The following MAP4K3 variants were observed in gnomAD, a reference collection of about 807,000 sequenced individuals.
MAP4K3 encodes the protein MAPK/ERK kinase kinase kinase 3.
A neutral mutation model predicts 143.5 loss-of-function variants in MAP4K3; 94 were observed. The observed-to-expected ratio is 0.65, with a 90% CI of 0.55 to 0.78. The LOEUF is 0.78. MAP4K3 is among the 30% of genes least tolerant of loss of function. The pLI is 0.00. For synonymous variants in MAP4K3, 416 were observed against 347.2 expected, an observed-to-expected ratio of 1.20 and a Z score of -2.20; for missense variants, 1,077 against 1,068.1, an observed-to-expected ratio of 1.01 and a Z score of -0.12.
intron 1 of MAP4K3, among the ~76,000 whole-genome samples, chr2:39,434,803 G>A (rs1665402107): frequency 6.6e-6 from 1 of 152,312 alleles, no homozygotes; most frequent in East Asian, 1.9e-4. Flanking sequence ...TTGCTGTTAG[G>A]ATTAATTAGA....
chr2:39,344,175 T>C (rs946010457), intron 3 of MAP4K3, among the ~76,000 whole-genome samples: 2 of 152,178 alleles, frequency 1.3e-5, no homozygotes, highest in Non-Finnish European at 2.9e-5. Context: ...GCCTTCTTAG[T>C]GTCTAGAAGA....
chr2:39,295,771 T>C (rs1212646903), intron 16 of MAP4K3, among the ~76,000 whole-genome samples: 1 of 143,744 alleles, frequency 7.0e-6, no homozygotes, highest in Non-Finnish European at 1.5e-5. Context: ...CAGTCTGGAG[T>C]GCAGTGGCGT....
At chr2:39,289,917 T>C (rs890762159) in intron 19 of MAP4K3, among the ~76,000 whole-genome samples, 3 of 152,066 alleles carry the variant, frequency 2.0e-5, no homozygotes, top group African/African-American at 7.2e-5. Flanking sequence ...AAACCCAGTC[T>C]CTACTAAAAA....
At chr2:39,287,997 A>G (rs912989403) in intron 20 of MAP4K3, 124 bp downstream of exon 20, 5 of 1,159,388 alleles carry the variant, frequency 4.3e-6, no homozygotes, top group Non-Finnish European at 6.2e-6. Flanking sequence ...AAACATCTCC[A>G]TAGCCACTGC....
Position 39,284,831 on chromosome 2 carries a change from G to A in MAP4K3, c.1587+2021C>T, listed in dbSNP as rs58347494. Among the ~76,000 whole-genome samples the A allele has an allele frequency of 5.9e-5, 9 of 151,798 alleles. No homozygotes were observed. In the East Asian group the frequency reaches 7.8e-4, roughly 13 times the overall value. On this transcript the variant is annotated intron_variant, in intron 21 of 33. Coordinates refer to ENST00000263881, the MANE Select transcript of MAP4K3 (RefSeq NM_003618.4). ...TGCACTCTGGCCTGGGCGACAGAGC[G>A]AGACTCCATCTCAAAATGAATAAAT...
intron 26 of MAP4K3, among the ~76,000 whole-genome samples, chr2:39,271,346 CTA>C (rs1168794721): frequency 6.6e-6 from 1 of 152,000 alleles, no homozygotes; most frequent in African/African-American, 2.4e-5. Flanking sequence ...AAAAAGGTCT[CTA>C]TTGAGAACAG....
chr2:39,254,629 T>A, intron 31 of MAP4K3, 109 bp from the exon 32 acceptor site: 1 of 722,442 alleles, frequency 1.4e-6, no homozygotes, highest in African/African-American at 1.7e-5. Flanking sequence ...ACAACTAATG[T>A]CAGCTATTCC....
At chr2:39,374,731 C>A (rs1409321029) in intron 2 of MAP4K3, among the ~76,000 whole-genome samples, 3 of 151,902 alleles carry the variant, frequency 2.0e-5, no homozygotes, top group Non-Finnish European at 2.9e-5. Context: ...AAATTTAAAG[C>A]TGCATAATTA....
intron 13 of MAP4K3, among the ~76,000 whole-genome samples, chr2:39,314,619 T>C (rs544135187): frequency 3.0e-4 from 45 of 152,282 alleles, no homozygotes; most frequent in African/African-American, 1.1e-3. Context: ...AGAGAATAAA[T>C]GCTTCTAAGG....
Position 39,308,020 on chromosome 2 carries a change from C to T in MAP4K3, c.1057-15G>A, listed in dbSNP as rs761320672. 3.2e-6 allele frequency: 5 copies of T among 1,570,808 alleles called. No homozygotes were observed. The highest frequency in any genetic ancestry group is 4.3e-6 in the Non-Finnish European group (5 of 1,158,748). On this transcript the variant is annotated splice_polypyrimidine_tract_variant and intron_variant, in intron 14 of 33. Coordinates refer to ENST00000263881, the MANE Select transcript of MAP4K3 (RefSeq NM_003618.4). ...TCACTGTCGGGCTGTTTAGCAGAGA[C>T]CAAGAAACCCAAGTTATTTACGCTT...
At chr2:39,261,171 A>G (rs1680552709) in intron 28 of MAP4K3, 1 of 156,864 alleles carries the variant, frequency 6.4e-6, no homozygotes, top group African/African-American at 2.4e-5. Context: ...TCAACTGAGC[A>G]AACATGGATG....
intron 1 of MAP4K3, among the ~76,000 whole-genome samples, chr2:39,409,836 A>G (rs1667190153): frequency 2.0e-5 from 3 of 152,230 alleles, no homozygotes; most frequent in African/African-American, 7.2e-5. Context: ...AATAAATGTA[A>G]AGACAGATCT....
intron 26 of MAP4K3, among the ~76,000 whole-genome samples, chr2:39,267,781 A>C (rs1182215965): frequency 6.6e-6 from 1 of 152,170 alleles, no homozygotes; most frequent in Admixed American, 6.5e-5. Context: ...AAACTATAGA[A>C]GTCTATAGAA....
Position 39,436,915 on chromosome 2 carries a change from C to A in MAP4K3, c.73G>T (p.Gly25Cys). Residue 25 changes from glycine (G) to cysteine (C), a missense_variant, in exon 1 of 34, where the codon GGC (glycine) becomes TGC (cysteine). Around this residue, in one of 2 missense-constraint regions of MAP4K3, gnomAD observed 213 missense variants for 266.8 expected, o/e 0.80. Coordinates refer to ENST00000263881, the MANE Select transcript of MAP4K3 (RefSeq NM_003618.4). ...DFELIQRIGS[G>C]TYGDVYKARN... ...ACCTTGTAGACGTCGCCGTAGGTGC[C>A]GCTGCCGATGCGCTGAATCAGCTCG... 1.2e-6 allele frequency: 2 copies of A among 1,612,036 alleles called. No homozygotes were observed. The highest frequency in any genetic ancestry group is 1.7e-6 in the Non-Finnish European group (2 of 1,179,328).
chr2:39,293,002 C>T (rs1347160530), intron 17 of MAP4K3, among the ~76,000 whole-genome samples, 176 bp from the exon 18 acceptor site: 2 of 151,936 alleles, frequency 1.3e-5, no homozygotes, highest in African/African-American at 2.4e-5. Flanking sequence ...TCGTGATGTC[C>T]GTTACTAGGG....
At chr2:39,371,819 A>G (rs1666088339) in intron 2 of MAP4K3, among the ~76,000 whole-genome samples, 1 of 151,408 alleles carries the variant, frequency 6.6e-6, no homozygotes, top group Non-Finnish European at 1.5e-5. Flanking sequence ...CTCTATATAT[A>G]TATATGTATA....
intron 4 of MAP4K3, among the ~76,000 whole-genome samples, chr2:39,340,977 G>A (rs891348912): frequency 6.6e-6 from 1 of 152,130 alleles, no homozygotes; most frequent in African/African-American, 2.4e-5. Context: ...AGATTCTAAA[G>A]GAGAGATCGC....
intron 1 of MAP4K3, among the ~76,000 whole-genome samples, chr2:39,421,523 T>C (rs1667547722): frequency 6.6e-6 from 1 of 152,130 alleles, no homozygotes; most frequent in African/African-American, 2.4e-5. Flanking sequence ...GGCCTATTCT[T>C]GACCTTTCTT....
At chr2:39,409,815 C>A (rs772933718) in intron 1 of MAP4K3, among the ~76,000 whole-genome samples, 1 of 152,094 alleles carries the variant, frequency 6.6e-6, no homozygotes, top group Non-Finnish European at 1.5e-5. Context: ...TGCCTATTTA[C>A]CTAGTACTAT....
Sources: allele counts gnomAD v4.1 joint callset (sites outside exome capture counted in the v4.1 genomes callset), GRCh38; gene constraint gnomAD v4.1.1; regional missense constraint gnomAD v4.1.1; transcripts MANE v1.5; gene names NCBI Gene and HGNC (gene_info 2026-07-23, HGNC 2026-07-21).